The following KCNIP4 variants were observed in gnomAD, a reference collection of about 807,000 sequenced individuals.
KCNIP4 encodes potassium voltage-gated channel interacting protein 4, also known as Kv channel-interacting protein 4.
KCNIP4 carries 12 observed loss-of-function variants against 34.0 expected under a neutral mutation model. The ratio of observed to expected loss-of-function variants is 0.35; its 90% confidence interval spans 0.23 to 0.57. The LOEUF is 0.57. Ranked by LOEUF, KCNIP4 falls within the 20% of genes least tolerant of loss-of-function variation. The probability of loss-of-function intolerance (pLI) is 0.83; values close to 1 mark genes in which losing one functional copy is unlikely to be tolerated. For missense variants in KCNIP4, 238 were observed against 311.7 expected (o/e 0.76, Z 1.78); for synonymous variants, 124 against 102.2 (o/e 1.21, Z -1.29).
chr4:21,715,975 C>T (rs1178849148), intron 1 of KCNIP4, among the ~76,000 whole-genome samples: 1 of 152,130 alleles, frequency 6.6e-6, no homozygotes, highest in East Asian at 1.9e-4. Context: ...TACGACTTCT[C>T]TGATTTCTTC....
At chr4:21,408,747 A>G (rs1237483236) in intron 1 of KCNIP4, among the ~76,000 whole-genome samples, 2 of 152,248 alleles carry the variant, frequency 1.3e-5, no homozygotes, top group Non-Finnish European at 2.9e-5. Flanking sequence ...GGTCTTGATC[A>G]GAAGGAAGCC....
chr4:21,758,691 C>A (rs1297513098), intron 1 of KCNIP4, among the ~76,000 whole-genome samples: 1 of 152,116 alleles, frequency 6.6e-6, no homozygotes, highest in East Asian at 1.9e-4. Flanking sequence ...ATTATCTAGG[C>A]ACCCTAAGCC....
chr4:21,843,491 A>G (rs751618805), intron 1 of KCNIP4: 1 of 152,184 alleles, frequency 6.6e-6, no homozygotes, highest in East Asian at 1.9e-4. Context: ...AAATCCAGGA[A>G]GGATTTTTCT....
chr4:20,848,807 G>GA (rs879804698), intron 3 of KCNIP4, among the ~76,000 whole-genome samples: 4 of 151,234 alleles, frequency 2.6e-5, no homozygotes, highest in Admixed American at 1.3e-4. Flanking sequence ...ATGTTAAAAA[G>GA]AAAAAAAAAG....
chr4:20,779,640 G>A (rs1490410273), intron 3 of KCNIP4, among the ~76,000 whole-genome samples: 1 of 131,142 alleles, frequency 7.6e-6, no homozygotes, highest in African/African-American at 2.9e-5. Context: ...TTAGTTTAAG[G>A]ATCTCTATAA....
intron 1 of KCNIP4, among the ~76,000 whole-genome samples, chr4:20,899,812 A>T (rs540679942): frequency 1.1e-3 from 161 of 152,304 alleles, no homozygotes; most frequent in Non-Finnish European, 1.9e-3. Context: ...GGAAAAATCC[A>T]CTAAGACCTT....
intron 3 of KCNIP4, among the ~76,000 whole-genome samples, chr4:20,823,447 G>T (rs921201325): frequency 2.6e-5 from 4 of 152,124 alleles, no homozygotes; most frequent in African/African-American, 9.7e-5. Flanking sequence ...ACAGTCATAG[G>T]TTGAAATTCT....
intron 1 of KCNIP4, 145 bp from the exon 2 acceptor site, chr4:20,882,854 G>A (rs538854913): frequency 2.6e-4 from 110 of 420,172 alleles, no homozygotes; most frequent in African/African-American, 1.7e-3. Context: ...TGGGACCCCC[G>A]AAAGGAAAAA....
intron 1 of KCNIP4, among the ~76,000 whole-genome samples, chr4:21,897,688 T>A (rs1011754030): frequency 6.6e-6 from 1 of 152,142 alleles, no homozygotes; most frequent in African/African-American, 2.4e-5. Context: ...TGAAACACTC[T>A]TAGAGAGCAG....
chr4:21,403,033 A>T (rs1723673411), intron 1 of KCNIP4, among the ~76,000 whole-genome samples: 1 of 152,144 alleles, frequency 6.6e-6, no homozygotes, highest in South Asian at 2.1e-4. Context: ...CTCTATTGTC[A>T]TGATCACCAA....
At chr4:20,774,934 GAATT>G (rs1303383239) in intron 3 of KCNIP4, among the ~76,000 whole-genome samples, 2 of 152,168 alleles carry the variant, frequency 1.3e-5, no homozygotes, top group Non-Finnish European at 2.9e-5. Context: ...GCTCTGGAGA[GAATT>G]AAGAGATGAT....
chr4:21,390,062 G>A (rs976172023), intron 1 of KCNIP4, among the ~76,000 whole-genome samples: 2 of 150,318 alleles, frequency 1.3e-5, no homozygotes, highest in African/African-American at 2.4e-5. Flanking sequence ...GTGATGATGA[G>A]CATTTTTTTG....
intron 1 of KCNIP4, among the ~76,000 whole-genome samples, chr4:21,867,134 T>A (rs1297643966): frequency 6.6e-6 from 1 of 152,164 alleles, no homozygotes; most frequent in Non-Finnish European, 1.5e-5. Flanking sequence ...TAAATTTAAG[T>A]ATGTGTCTTT....
In KCNIP4 at chr4:21,945,183, C is replaced by T. The variant is rs75038938; in HGVS notation, c.61+3388G>A. 4.9e-4 allele frequency among the ~76,000 whole-genome samples: 74 copies of T among 152,262 alleles called. No homozygotes were observed. The South Asian group carries it at 1.0e-2, about 20-fold the overall frequency. ...TAATTTAAGCCCAGAAATATATCTT[C>T]AAAACAATCAACCACTACCTGGCCT... On this transcript the variant is annotated intron_variant, in intron 1 of 8. Transcript: ENST00000382152.
At chr4:21,113,037 A>T (rs1223312772) in intron 1 of KCNIP4, among the ~76,000 whole-genome samples, 1 of 152,188 alleles carries the variant, frequency 6.6e-6, no homozygotes, top group Admixed American at 6.5e-5. Flanking sequence ...CAATGTCAAT[A>T]CTTAGTACAT....
intron 1 of KCNIP4, among the ~76,000 whole-genome samples, chr4:20,911,973 T>A (rs1427873103): frequency 2.0e-5 from 3 of 152,208 alleles, no homozygotes; most frequent in Admixed American, 1.3e-4. Flanking sequence ...CAGCTCACAG[T>A]GCATCAATGC....
intron 1 of KCNIP4, among the ~76,000 whole-genome samples, chr4:21,510,951 T>C (rs144759218): frequency 0.011 from 1,729 of 152,056 alleles, 38 homozygotes; most frequent in African/African-American, 0.04. Context: ...GGCTGAGGCA[T>C]GAGAATTGCT....
At chr4:21,383,914 C>A (rs7675300) in intron 1 of KCNIP4, among the ~76,000 whole-genome samples, 41,840 of 152,016 alleles carry the variant, frequency 0.28, 6,632 homozygotes, top group East Asian at 0.41. Context: ...CTCTTACCTG[C>A]AAAGTTTGAT....
intron 1 of KCNIP4, among the ~76,000 whole-genome samples, chr4:21,580,962 T>C (rs1741158392): frequency 1.3e-5 from 2 of 152,046 alleles, no homozygotes; most frequent in South Asian, 4.1e-4. Flanking sequence ...TGCTGAGAGC[T>C]TATCCAGGAG....
Sources: gnomAD v4.1 joint callset for allele counts (sites outside exome capture counted in the v4.1 genomes callset) on GRCh38, gnomAD v4.1.1 for gene constraint, MANE v1.5 for transcripts, NCBI Gene and HGNC (gene_info 2026-07-23, HGNC 2026-07-21) for gene names.